CCAR1: variants seen among roughly 807,000 people sequenced by gnomAD.
The protein encoded by CCAR1 is cell division cycle and apoptosis regulator 1.
CCAR1 carries 78 observed loss-of-function variants against 163.8 expected under a neutral mutation model. The ratio of observed to expected loss-of-function variants is 0.48; its 90% CI spans 0.40 to 0.57. CCAR1 has a LOEUF of 0.57. CCAR1 is among the 20% of genes least tolerant of loss of function. The pLI, the probability that CCAR1 is intolerant of heterozygous loss-of-function variation, is 0.00. For synonymous variants in CCAR1, 443 were observed against 460.7 expected, an observed-to-expected ratio of 0.96 and a Z score of 0.49; for missense variants, 1,019 against 1,365.2, an observed-to-expected ratio of 0.75 and a Z score of 4.00.
At position 68,788,220 on chromosome 10, in the gene CCAR1, T is replaced by C. The variant is rs1411643916; in HGVS notation, c.3079T>C (p.Tyr1027His). ...DVEENVGLIV[Y>H]NGAMVDVGSL... ...GGAAGAAAATGTTGGCCTCATTGTGTACAATGGTGCAATGGTAGATGTAGG... is the reference window on the plus strand; with the variant it reads ...GGAAGAAAATGTTGGCCTCATTGTGCACAATGGTGCAATGGTAGATGTAGG... Residue 1027 changes from tyrosine (Y) to histidine (H), a missense_variant, in exon 23 of 25, where the codon TAC becomes CAC. Transcript: ENST00000265872. 6.2e-7 allele frequency: 1 copy of C among 1,604,784 alleles called. No individual in the cohort carries two copies. The highest frequency in any genetic ancestry group is 8.5e-7 in the Non-Finnish European group (1 of 1,176,352).
chr10:68,745,638 A>G (rs1198787734), intron 6 of CCAR1, among the ~76,000 whole-genome samples: 1 of 151,044 alleles, frequency 6.6e-6, no homozygotes, highest in Non-Finnish European at 1.5e-5. Flanking sequence ...TAATTTTTGT[A>G]TGTTTAGTAG....
intron 15 of CCAR1, among the ~76,000 whole-genome samples, chr10:68,759,845 T>C (rs1379903751): frequency 6.6e-6 from 1 of 152,102 alleles, no homozygotes; most frequent in African/African-American, 2.4e-5. Context: ...GATATACAGA[T>C]ATTTCTTAGG....
intron 18 of CCAR1, among the ~76,000 whole-genome samples, chr10:68,771,980 C>T (rs1417918419): frequency 1.3e-5 from 2 of 151,780 alleles, no homozygotes; most frequent in East Asian, 3.9e-4. Flanking sequence ...AAGCAGTTCT[C>T]CTGCCTCAGT....
intron 10 of CCAR1, among the ~76,000 whole-genome samples, chr10:68,752,735 G>A (rs2056347219): frequency 1.3e-5 from 2 of 152,146 alleles, no homozygotes; most frequent in South Asian, 4.1e-4. Flanking sequence ...ACATGTGGTA[G>A]TGCACCCGTA....
Position 68,755,517 on chromosome 10 carries a change from C to G in CCAR1, c.1606C>G (p.Leu536Val), listed in dbSNP as rs746141665. 1.2e-6 allele frequency: 2 copies of G among 1,613,790 alleles called. No homozygotes were observed. The highest frequency in any genetic ancestry group is 2.2e-5 in the South Asian group (2 of 91,040). ...RCCKALTGID[L>V]SVCTQWYRFA... ...TTGTAAGGCTCTGACAGGCATTGAT[C>G]TAAGTGTGTGCACACAATGGTAAGT... The change falls in exon 13 of 25, where the codon CTA becomes GTA. Residue 536 changes from leucine to valine, a missense_variant. Physicochemically the swap from Leu to Val is conservative, Grantham distance 32. This residue lies in a region of CCAR1 where 644 missense variants were observed against 904.4 expected (regional missense o/e 0.71). Coordinates refer to ENST00000265872, the MANE Select transcript of CCAR1 (RefSeq NM_018237.4).
intron 2 of CCAR1, among the ~76,000 whole-genome samples, chr10:68,731,188 T>C (rs564781635): frequency 1.3e-5 from 2 of 152,322 alleles, no homozygotes; most frequent in South Asian, 4.1e-4. Flanking sequence ...TGACACGTGT[T>C]TAGCTATTTA....
intron 2 of CCAR1, among the ~76,000 whole-genome samples, chr10:68,725,682 A>G (rs562878417): frequency 6.6e-6 from 1 of 152,272 alleles, no homozygotes; most frequent in South Asian, 2.1e-4. Flanking sequence ...TTTATTTTAT[A>G]TCTCTTACTC....
At chr10:68,753,772 T>A in intron 10 of CCAR1, 80 bp from the exon 11 acceptor site, 1 of 1,030,204 alleles carries the variant, frequency 9.7e-7, no homozygotes, top group Non-Finnish European at 1.5e-6. Flanking sequence ...CTATATCCAG[T>A]TATATTTGCT....
intron 6 of CCAR1, among the ~76,000 whole-genome samples, chr10:68,744,145 A>G (rs2056221901): frequency 1.3e-5 from 2 of 152,166 alleles, no homozygotes; most frequent in African/African-American, 2.4e-5. Flanking sequence ...TCAGCCCTGC[A>G]AAGTGCTGGG....
At chr10:68,775,335 G>A (rs2056650873) in intron 19 of CCAR1, among the ~76,000 whole-genome samples, 1 of 151,962 alleles carries the variant, frequency 6.6e-6, no homozygotes, top group Non-Finnish European at 1.5e-5. Context: ...ATACAGCAGT[G>A]TTTATCTTCA....
chr10:68,724,904 C>T (rs929061091), intron 2 of CCAR1, among the ~76,000 whole-genome samples: 9 of 151,956 alleles, frequency 5.9e-5, no homozygotes, highest in African/African-American at 1.7e-4. Context: ...TTTGGGAGGC[C>T]AAGGCGGGCA....
chr10:68,756,744 A>G lies in CCAR1; in HGVS notation c.1836+261A>G, dbSNP rs988746156. 2.0e-6 allele frequency: 1 copy of G among 501,028 alleles called. No individual in the cohort carries two copies. The highest frequency in any genetic ancestry group is 1.9e-5 in the African/African-American group (1 of 51,754). The allele number at this position is 501,028 out of a possible 1,614,324, so 31.0% of individuals were successfully genotyped here. A position where few individuals can be genotyped will look rare whatever the true frequency, so the allele number is the denominator to read the frequency against. On this transcript the variant is annotated intron_variant, in intron 14 of 24. Transcript: ENST00000265872. This position sits in a 1 kb window ranked among gnomAD's most constrained non-coding sequence, Gnocchi z 5.1. ...TTGCACAGAATTTTGTTTTTATCAT[A>G]GGTCTAGTTGCTGGAATCTGGGACC... is the stretch of plus-strand genomic sequence containing the variant.
chr10:68,775,546 T>C (rs894835661), intron 19 of CCAR1, among the ~76,000 whole-genome samples: 3 of 150,482 alleles, frequency 2.0e-5, no homozygotes, highest in African/African-American at 7.3e-5. Flanking sequence ...AGTGTGGCTC[T>C]GTCACCAGGC....
At chr10:68,770,803 C>T (rs965796742) in intron 17 of CCAR1, among the ~76,000 whole-genome samples, 1 of 152,074 alleles carries the variant, frequency 6.6e-6, no homozygotes, top group Non-Finnish European at 1.5e-5. Flanking sequence ...AGTGGCTAGG[C>T]GCGGTGGCTT....
intron 19 of CCAR1, among the ~76,000 whole-genome samples, chr10:68,776,361 C>G (rs543855346): frequency 5.2e-4 from 79 of 151,190 alleles, no homozygotes; most frequent in African/African-American, 1.8e-3. Context: ...GTCAGGAGTT[C>G]GAGACCAGCC....
At chr10:68,729,922 C>CTTT (rs10708519) in intron 2 of CCAR1, among the ~76,000 whole-genome samples, 1 of 149,090 alleles carries the variant, frequency 6.7e-6, no homozygotes. Flanking sequence ...AGATGACTCA[C>CTTT]TTTTTTTTTT....
At chr10:68,757,189 G>A (rs1035754219) in intron 14 of CCAR1, 105 bp from the exon 15 acceptor site, 3 of 643,450 alleles carry the variant, frequency 4.7e-6, no homozygotes, top group Non-Finnish European at 8.0e-6. Context: ...AAGACAATCT[G>A]AAACATTTGT....
chr10:68,791,351 G>A lies in CCAR1; in HGVS notation c.*85G>A. ...ATAAGAATGTTTGAAGGTGATGCAT[G>A]TTTGATTTTAGTAGTATAAATGTAT... On this transcript the variant is annotated 3_prime_UTR_variant, in exon 25 of 25. Coordinates refer to ENST00000265872, the MANE Select transcript of CCAR1 (RefSeq NM_018237.4). 4 of 864,924 alleles carry A rather than the reference G, an allele frequency of 4.6e-6. No individual in the cohort carries two copies. The highest frequency in any genetic ancestry group is 5.5e-5 in the East Asian group (2 of 36,094). The allele number at this position is 864,924 out of a possible 1,614,324, so 53.6% of individuals were successfully genotyped here. A position where few individuals can be genotyped will look rare whatever the true frequency, so the allele number is the denominator to read the frequency against.
At chr10:68,776,994 TC>T (rs1461219010) in intron 19 of CCAR1, among the ~76,000 whole-genome samples, 3 of 152,232 alleles carry the variant, frequency 2.0e-5, no homozygotes, top group African/African-American at 7.2e-5. Flanking sequence ...CATACACAAA[TC>T]CTACAACCTT....
Sources: allele counts gnomAD v4.1 joint callset (sites outside exome capture counted in the v4.1 genomes callset), GRCh38; gene constraint gnomAD v4.1.1; regional missense constraint gnomAD v4.1.1; non-coding constraint Gnocchi (gnomAD v3.1); transcripts MANE v1.5; gene names NCBI Gene and HGNC (gene_info 2026-07-23, HGNC 2026-07-21).